MYZAP: variants seen among roughly 807,000 people sequenced by gnomAD.
MYZAP encodes the protein myocardial zonula adherens protein, also known as GRINL1A complex locus upstream.
MYZAP carries 66 observed loss-of-function variants against 69.4 expected under a neutral mutation model. That is an observed-to-expected ratio of 0.95 (90% CI 0.78 to 1.17). The LOEUF (loss-of-function observed/expected upper bound fraction) is 1.17. Among genes scored for constraint, MYZAP ranks in the 50% most tolerant of loss-of-function variants. The pLI, the probability that MYZAP is intolerant of heterozygous loss-of-function variation, is 0.00. For missense variants in MYZAP, 611 were observed against 556.2 expected (o/e 1.10, Z -0.99); for synonymous variants, 256 against 205.9 (o/e 1.24, Z -2.09).
At chr15:57,681,904 C>T (rs2039466279) in intron 12 of MYZAP, among the ~76,000 whole-genome samples, 1 of 152,104 alleles carries the variant, frequency 6.6e-6, no homozygotes, top group African/African-American at 2.4e-5. Flanking sequence ...GTTTAAAATA[C>T]ACCCCCTGCC....
At chr15:57,638,728 G>C (rs2036960671) in intron 9 of MYZAP, among the ~76,000 whole-genome samples, 1 of 152,198 alleles carries the variant, frequency 6.6e-6, no homozygotes, top group Non-Finnish European at 1.5e-5. Context: ...TTTGGATGTA[G>C]AGAAGGTCTT....
chr15:57,619,534 C>T (rs1276066361), intron 3 of MYZAP, among the ~76,000 whole-genome samples: 1 of 152,078 alleles, frequency 6.6e-6, no homozygotes, highest in Non-Finnish European at 1.5e-5. Flanking sequence ...CGCACCGCTA[C>T]ACCCAGATAA....
intron 10 of MYZAP, among the ~76,000 whole-genome samples, chr15:57,641,274 T>G (rs754407338): frequency 6.6e-6 from 1 of 152,184 alleles, no homozygotes; most frequent in Non-Finnish European, 1.5e-5. Flanking sequence ...AAAAGACATT[T>G]TCAAAGAAGT....
At chr15:57,677,127 C>G (rs149137031) in intron 12 of MYZAP, among the ~76,000 whole-genome samples, 32 of 152,310 alleles carry the variant, frequency 2.1e-4, no homozygotes, top group African/African-American at 5.8e-4. Flanking sequence ...TGGCCTTCCA[C>G]CTGCGCTTCT....
In MYZAP at chr15:57,629,119, A is replaced by G. The variant is rs183831110; in HGVS notation, c.526-583A>G. Among the ~76,000 whole-genome samples the G allele has an allele frequency of 7.9e-3, 1,195 of 151,812 alleles. 11 individuals are homozygous for G. Among genetic ancestry groups the G allele is most frequent in the South Asian group, 0.045 (218 of 4,804 alleles). ...AAAAAAAAAAAAAAGAAAAAGAATA[A>G]AAAGAGGAATATCTCTATTCTATAA... On this transcript the variant is annotated intron_variant, in intron 5 of 12. Transcript: ENST00000267853.
At chr15:57,597,531 A>C (rs4774273) in intron 1 of MYZAP, among the ~76,000 whole-genome samples, 13,390 of 152,124 alleles carry the variant, frequency 0.088, 710 homozygotes, top group Admixed American at 0.13. Context: ...TGGGGCAGGG[A>C]GGGGGAGTCC....
chr15:57,681,076 G>A (rs2733608), intron 12 of MYZAP, among the ~76,000 whole-genome samples: 2,393 of 152,304 alleles, frequency 0.016, 55 homozygotes, highest in African/African-American at 0.054. Flanking sequence ...GGATATGAGA[G>A]CCTGTTTTTG....
intron 11 of MYZAP, among the ~76,000 whole-genome samples, chr15:57,669,091 G>A (rs533924328): frequency 4.0e-5 from 6 of 151,864 alleles, no homozygotes; most frequent in African/African-American, 9.7e-5. Context: ...GTTTCACCAC[G>A]TTGCCCGGGC....
At chr15:57,627,017 G>C (rs939652996) in intron 5 of MYZAP, among the ~76,000 whole-genome samples, 9 of 152,178 alleles carry the variant, frequency 5.9e-5, no homozygotes, top group Non-Finnish European at 1.2e-4. Context: ...CTGTGGTCGG[G>C]GGGGCTTGCC....
chr15:57,664,480 G>T (rs1350061891), intron 11 of MYZAP, among the ~76,000 whole-genome samples: 1 of 152,172 alleles, frequency 6.6e-6, no homozygotes, highest in Admixed American at 6.5e-5. Flanking sequence ...TGCCGACGCT[G>T]TTCCTTGCTA....
At chr15:57,606,694 A>T (rs555140445) in intron 2 of MYZAP, among the ~76,000 whole-genome samples, 3 of 151,844 alleles carry the variant, frequency 2.0e-5, no homozygotes, top group African/African-American at 7.2e-5. Context: ...TAACCTGCAC[A>T]TTGTGCACAT....
intron 1 of MYZAP, among the ~76,000 whole-genome samples, chr15:57,603,649 G>A (rs970985246): frequency 6.6e-6 from 1 of 152,138 alleles, no homozygotes; most frequent in Non-Finnish European, 1.5e-5. Flanking sequence ...CCATGTTGTA[G>A]CATGTGTCAG....
In MYZAP at chr15:57,682,989, G is replaced by C. The variant is rs78109972; in HGVS notation, c.1305-1413G>C. 7.9e-3 allele frequency among the ~76,000 whole-genome samples: 1,206 copies of C among 152,212 alleles called. 18 individuals carry two copies. Among genetic ancestry groups the C allele is most frequent in the African/African-American group, 0.027 (1,137 of 41,512 alleles). On this transcript the variant is annotated intron_variant, in intron 12 of 12. Transcript: ENST00000267853. Reference sequence around the variant, plus strand: ...ATGTGTTCATGCTCATTTTGTTCAGGTCATGGCGGGAAGGGAGGCTTGAGA... The same window carrying C: ...ATGTGTTCATGCTCATTTTGTTCAGCTCATGGCGGGAAGGGAGGCTTGAGA...
At chr15:57,612,432 T>G (rs2035166934) in intron 2 of MYZAP, among the ~76,000 whole-genome samples, 1 of 152,226 alleles carries the variant, frequency 6.6e-6, no homozygotes, top group African/African-American at 2.4e-5. Context: ...ATTTTCTTTT[T>G]TTGCACAGAT....
At chr15:57,644,853 A>G (rs758365034) in intron 10 of MYZAP, among the ~76,000 whole-genome samples, 2 of 152,172 alleles carry the variant, frequency 1.3e-5, no homozygotes, top group Non-Finnish European at 2.9e-5. Context: ...ATCTAGAGAG[A>G]TGTTACTAAG....
At chr15:57,628,602 T>TCAC (rs2036299229) in intron 5 of MYZAP, among the ~76,000 whole-genome samples, 1 of 152,030 alleles carries the variant, frequency 6.6e-6, no homozygotes, top group Non-Finnish European at 1.5e-5. Context: ...GGAGCAAAAA[T>TCAC]TACTTGTGCG....
chr15:57,659,713 G>A (rs1160491604), intron 10 of MYZAP, among the ~76,000 whole-genome samples: 4 of 152,030 alleles, frequency 2.6e-5, no homozygotes, highest in African/African-American at 4.8e-5. Context: ...GATATACATC[G>A]TTTCTTCAAT....
chr15:57,622,543 A>G (rs762119964), intron 4 of MYZAP, among the ~76,000 whole-genome samples: 11 of 152,186 alleles, frequency 7.2e-5, no homozygotes, highest in Non-Finnish European at 1.6e-4. Context: ...AAACAGTATC[A>G]TAGTGGCACA....
In MYZAP at chr15:57,625,828, C is replaced by T. The variant is rs776224594; in HGVS notation, c.461C>T (p.Ser154Leu). 6.2e-6 allele frequency: 10 copies of T among 1,614,146 alleles called. No homozygotes were observed. The highest frequency in any genetic ancestry group is 2.2e-5 in the South Asian group (2 of 91,072). Residue 154 changes from serine to leucine, a missense_variant, in exon 5 of 13, where the codon TCG becomes TTG. Coordinates refer to ENST00000267853, the MANE Select transcript of MYZAP (RefSeq NM_001018100.5). Reference protein sequence around the residue: ...EYLENHIQTQSSALDRFNAMN... With the variant: ...EYLENHIQTQLSALDRFNAMN... ...CTGGAGAATCACATCCAAACCCAGT[C>T]GTCTGCCCTGGATCGTTTTAATGCC...
Sources: gnomAD v4.1 joint callset for allele counts (sites outside exome capture counted in the v4.1 genomes callset) on GRCh38, gnomAD v4.1.1 for gene constraint, MANE v1.5 for transcripts, NCBI Gene and HGNC (gene_info 2026-07-23, HGNC 2026-07-21) for gene names.